The following PLCXD2 variants were observed in gnomAD, a reference collection of about 807,000 sequenced individuals.
PLCXD2 encodes the protein phosphatidylinositol specific phospholipase C X domain containing 2.
In PLCXD2, 21 loss-of-function variants were observed where a neutral mutation model predicts 28.6. That is an observed-to-expected ratio of 0.73 (90% CI 0.52 to 1.06). PLCXD2 has a LOEUF of 1.06. Ranked by LOEUF, PLCXD2 falls within the 50% of genes least tolerant of loss-of-function variation. The probability of loss-of-function intolerance (pLI) is 0.00; values close to 1 mark genes in which losing one functional copy is unlikely to be tolerated. For missense variants in PLCXD2, 369 were observed against 376.7 expected (o/e 0.98, Z 0.17); for synonymous variants, 140 against 150.1 (o/e 0.93, Z 0.49).
At chr3:111,701,613 T>C (rs1404950683) in intron 1 of PLCXD2, among the ~76,000 whole-genome samples, 1 of 152,214 alleles carries the variant, frequency 6.6e-6, no homozygotes, top group Non-Finnish European at 1.5e-5. Context: ...TTAAGAAAAC[T>C]ACCTTTTAAG....
Position 111,714,038 on chromosome 3 carries a change from C to G in PLCXD2, c.776C>G (p.Ser259Cys). 1 of 1,614,148 alleles carries G rather than the reference C, an allele frequency of 6.2e-7. No homozygotes were observed. Among genetic ancestry groups the G allele is most frequent in the Non-Finnish European group, 8.5e-7 (1 of 1,180,018 alleles). ...CTGAGTGAGCGGGCCTCACGGGGCTCCTTCCATGTCTCCCAAGCGATCCTC... is the reference window on the plus strand; with the variant it reads ...CTGAGTGAGCGGGCCTCACGGGGCTGCTTCCATGTCTCCCAAGCGATCCTC... Residue 259 changes from serine to cysteine, a missense_variant, in exon 3 of 5, where the codon TCC (serine) becomes TGC (cysteine). Ser to Cys is a moderately radical substitution (Grantham distance 112). Transcript: ENST00000477665.
chr3:111,684,578 C>G (rs970157025), intron 1 of PLCXD2, among the ~76,000 whole-genome samples: 5 of 151,716 alleles, frequency 3.3e-5, no homozygotes, highest in Non-Finnish European at 7.4e-5. Flanking sequence ...CACTTGAACC[C>G]AGGAGGCGGA....
At chr3:111,695,083 A>T (rs997515255) in intron 1 of PLCXD2, among the ~76,000 whole-genome samples, 1 of 151,798 alleles carries the variant, frequency 6.6e-6, no homozygotes, top group Non-Finnish European at 1.5e-5. Context: ...CTTAAAAATC[A>T]TAAGTCATTA....
chr3:111,689,946 A>G (rs1011960967), intron 1 of PLCXD2, among the ~76,000 whole-genome samples: 3 of 152,214 alleles, frequency 2.0e-5, no homozygotes, highest in African/African-American at 7.2e-5. Context: ...TAGCTTGCTC[A>G]TTTAATATTT....
chr3:111,675,970 A>T (rs1576450594), intron 1 of PLCXD2, among the ~76,000 whole-genome samples: 2 of 152,206 alleles, frequency 1.3e-5, no homozygotes, highest in East Asian at 3.8e-4. Context: ...GGCAGTCATT[A>T]GGTGTGATGA....
At chr3:111,693,628 C>G (rs1423394296) in intron 1 of PLCXD2, among the ~76,000 whole-genome samples, 1 of 152,208 alleles carries the variant, frequency 6.6e-6, no homozygotes, top group Non-Finnish European at 1.5e-5. Flanking sequence ...TGACTTTATA[C>G]ATCATTCTCC....
chr3:111,689,633 G>T (rs1306764822), intron 1 of PLCXD2, among the ~76,000 whole-genome samples: 2 of 152,122 alleles, frequency 1.3e-5, no homozygotes. Flanking sequence ...GTATACAACT[G>T]TTTTGTCATT....
Position 111,693,223 on chromosome 3 carries a change from A to AG in PLCXD2, c.164-14699dup, listed in dbSNP as rs3215208. On this transcript the variant is annotated intron_variant, in intron 1 of 4. Transcript: ENST00000477665. ...TTTGTGAGGCTTACCCCTGAGCCCC[A>AG]GGGGCTTGCTTACCCTTTCCAGTAA... Among the ~76,000 whole-genome samples, 53 of 152,322 alleles carry AG rather than the reference A, an allele frequency of 3.5e-4. No homozygotes were observed. In the East Asian group the frequency reaches 9.6e-3, roughly 28 times the overall value.
At chr3:111,685,010 A>G (rs553935428) in intron 1 of PLCXD2, among the ~76,000 whole-genome samples, 3 of 152,144 alleles carry the variant, frequency 2.0e-5, no homozygotes, top group Non-Finnish European at 4.4e-5. Context: ...GAGAAGGAGC[A>G]GGTTTAGAGG....
Position 111,713,880 on chromosome 3 carries a change from A to G in PLCXD2, c.625-7A>G. 1 of 1,608,562 alleles carries G rather than the reference A, an allele frequency of 6.2e-7. No homozygotes were observed. Among genetic ancestry groups the G allele is most frequent in the East Asian group, 2.2e-5 (1 of 44,756 alleles). ...TTGCTCTCCTTTTTGTGTTTTGAAT[A>G]TTTCAGGTTCTTATTTTCTACCACT... is the stretch of plus-strand genomic sequence containing the variant. On this transcript the variant is annotated splice_region_variant and splice_polypyrimidine_tract_variant and intron_variant, in intron 2 of 4. Coordinates refer to ENST00000477665, the MANE Select transcript of PLCXD2 (RefSeq NM_001185106.1).
Position 111,675,179 on chromosome 3 carries a change from C to T in PLCXD2, c.-67C>T. ...GCGTCGCCCTGAAACGTCCACAGAGCCCAAGAAGTGATGATCACTGAGTGA... is the reference window on the plus strand; with the variant it reads ...GCGTCGCCCTGAAACGTCCACAGAGTCCAAGAAGTGATGATCACTGAGTGA... On this transcript the variant is annotated 5_prime_UTR_variant, in exon 1 of 5. Transcript: ENST00000477665. 6.4e-7 allele frequency: 1 copy of T among 1,556,384 alleles called. No homozygotes were observed. The highest frequency in any genetic ancestry group is 8.7e-7 in the Non-Finnish European group (1 of 1,144,400).
intron 2 of PLCXD2, among the ~76,000 whole-genome samples, chr3:111,708,657 T>C (rs1179109703): frequency 1.3e-5 from 2 of 152,136 alleles, no homozygotes; most frequent in Admixed American, 6.6e-5. Flanking sequence ...CAAGGCAAAG[T>C]TGTAAAATTG....
intron 1 of PLCXD2, among the ~76,000 whole-genome samples, chr3:111,689,087 C>A (rs1356773758): frequency 6.6e-6 from 1 of 152,094 alleles, no homozygotes; most frequent in Non-Finnish European, 1.5e-5. Context: ...AAGAAACAAG[C>A]AAACTGTGCT....
chr3:111,697,019 T>C (rs1391339433), intron 1 of PLCXD2, among the ~76,000 whole-genome samples: 2 of 152,202 alleles, frequency 1.3e-5, no homozygotes, highest in Admixed American at 6.5e-5. Flanking sequence ...AGTGCCAACA[T>C]GTACACATAG....
At chr3:111,677,513 CGCAGGACCCATTG>C (rs1438070944) in intron 1 of PLCXD2, 1 of 152,206 alleles carries the variant, frequency 6.6e-6, no homozygotes, top group African/African-American at 2.4e-5. Context: ...AGCACTACCA[CGCAGGACCCATTG>C]GCATACATTA....
At chr3:111,688,028 T>C (rs1013196038) in intron 1 of PLCXD2, among the ~76,000 whole-genome samples, 2 of 152,232 alleles carry the variant, frequency 1.3e-5, no homozygotes, top group Non-Finnish European at 2.9e-5. Flanking sequence ...GGAGGCACTA[T>C]GAAAAAGTAG....
Position 111,708,145 on chromosome 3 carries a change from T to C in PLCXD2, c.383T>C (p.Ile128Thr). The C allele has an allele frequency of 6.2e-7, 1 of 1,614,200 alleles. No individual in the cohort carries two copies. The highest frequency in any genetic ancestry group is 8.5e-7 in the Non-Finnish European group (1 of 1,180,034). ...AAACCAGGGGATGCCGACCAGGAGA[T>C]CTACTTCATCCATGGGCTTTTTGGC... Residue 128 changes from isoleucine to threonine, a missense_variant, in exon 2 of 5, where the codon ATC (isoleucine) becomes ACC (threonine). Transcript: ENST00000477665.
In PLCXD2 at chr3:111,675,118, A is replaced by C. The variant is rs1940599715; in HGVS notation, c.-128A>C. On this transcript the variant is annotated 5_prime_UTR_variant, in exon 1 of 5. Coordinates refer to ENST00000477665, the MANE Select transcript of PLCXD2 (RefSeq NM_001185106.1). The stretch of plus-strand genomic sequence containing the variant: ...GATCCATCTGTTTGCCCCGTCCCCC[A>C]GCCAGAAAGGCATTTTGGAAAGACT... The C allele has an allele frequency of 8.7e-7, 1 of 1,144,586 alleles. No homozygotes were observed. The allele number at this position is 1,144,586 out of a possible 1,614,324, so 70.9% of individuals were successfully genotyped here.
chr3:111,717,730 C>G (rs1004905542), intron 3 of PLCXD2, among the ~76,000 whole-genome samples: 2 of 152,180 alleles, frequency 1.3e-5, no homozygotes, highest in Admixed American at 1.3e-4. Context: ...CAGAGGGCGC[C>G]TGCACCTCAT....
Sources: allele counts gnomAD v4.1 joint callset (sites outside exome capture counted in the v4.1 genomes callset), GRCh38; gene constraint gnomAD v4.1.1; transcripts MANE v1.5; gene names NCBI Gene and HGNC (gene_info 2026-07-23, HGNC 2026-07-21).